The following PARG variants were observed in gnomAD, a reference collection of about 807,000 sequenced individuals.
PARG encodes the protein mitochondrial poly(ADP-ribose) glycohydrolase.
A neutral mutation model predicts 113.0 loss-of-function variants in PARG; 35 were observed. The ratio of observed to expected loss-of-function variants is 0.31; its 90% confidence interval spans 0.24 to 0.41. The LOEUF is 0.41. PARG is among the 10% of genes least tolerant of loss of function. The pLI, the probability that PARG is intolerant of heterozygous loss-of-function variation, is 1.00. For synonymous variants in PARG, 330 were observed against 409.9 expected, an observed-to-expected ratio of 0.81 and a Z score of 2.36; for missense variants, 797 against 1,169.4, an observed-to-expected ratio of 0.68 and a Z score of 4.64.
chr10:49,899,928 G>A (rs1280860895), intron 7 of PARG, among the ~76,000 whole-genome samples: 1 of 152,184 alleles, frequency 6.6e-6, no homozygotes, highest in Non-Finnish European at 1.5e-5. Context: ...CCTAACGATA[G>A]ATAAATGAAA....
intron 13 of PARG, among the ~76,000 whole-genome samples, chr10:49,844,035 C>CT (rs1261876431): frequency 6.6e-6 from 1 of 151,984 alleles, no homozygotes; most frequent in African/African-American, 2.4e-5. Context: ...ATCCCAGCTA[C>CT]TAGGGGGGCT....
intron 4 of PARG, among the ~76,000 whole-genome samples, chr10:49,925,524 T>G (rs1554850333): frequency 6.6e-6 from 1 of 152,218 alleles, no homozygotes; most frequent in Non-Finnish European, 1.5e-5. Flanking sequence ...AAAACCAACC[T>G]ATAGCCTGAC....
In PARG at chr10:49,922,392, AC is replaced by A; in HGVS notation, c.1605del (p.Trp536GlyfsTer18). ...AGAAGTGCAGTCTGAATGAGCTCCCACCGGCTCCCCGCAGTTCGCTCACCAT... is the reference window on the plus strand; with the variant it reads ...AGAAGTGCAGTCTGAATGAGCTCCCACGGCTCCCCGCAGTTCGCTCACCAT... The part of the protein sequence containing the change: ...DENGERTAGS[R>X]WELIQTALLN... On this transcript the variant is annotated frameshift_variant, in exon 6 of 18. Coordinates refer to ENST00000616448, the MANE Select transcript of PARG (RefSeq NM_003631.5). LOFTEE classifies it high-confidence loss of function. 6.2e-7 allele frequency: 1 copy of A among 1,607,872 alleles called. No homozygotes were observed. The highest frequency in any genetic ancestry group is 8.5e-7 in the Non-Finnish European group (1 of 1,177,950).
rs1287251266 is a variant in PARG at position 49,819,383 on chromosome 10, C to T, written c.2888G>A (p.Cys963Tyr). ...CCCTGAATGGTCAGCGGTCTCTGCA[C>T]AGGACTCGACAGCATGGTATATGAA... ...YPFIYHAVES[C>Y]AETADHSGQR... is the part of the protein sequence containing the mutation. Residue 963 changes from cysteine to tyrosine, a missense_variant, in exon 18 of 18, where the codon TGT (cysteine) becomes TAT (tyrosine). This residue lies in a region of PARG where 194 missense variants were observed against 247.1 expected (regional missense o/e 0.79). Coordinates refer to ENST00000616448, the MANE Select transcript of PARG (RefSeq NM_003631.5). The T allele has an allele frequency of 3.2e-6, 5 of 1,551,470 alleles. No homozygotes were observed. The highest frequency in any genetic ancestry group is 2.4e-5 in the East Asian group (1 of 40,926).
chr10:49,849,792 T>C (rs1430748903), intron 13 of PARG, among the ~76,000 whole-genome samples: 1 of 151,904 alleles, frequency 6.6e-6, no homozygotes, highest in Non-Finnish European at 1.5e-5. Context: ...GCAGGAGGAC[T>C]GCCTGAGCCC....
chr10:49,934,331 G>C (rs1202699134), intron 2 of PARG, among the ~76,000 whole-genome samples, 168 bp from the exon 3 acceptor site: 1 of 152,052 alleles, frequency 6.6e-6, no homozygotes, highest in Non-Finnish European at 1.5e-5. Context: ...TGCCCTCCCT[G>C]CAGCTGTGTG....
At chr10:49,862,187 G>C (rs1554836093) in intron 11 of PARG, among the ~76,000 whole-genome samples, 1 of 151,312 alleles carries the variant, frequency 6.6e-6, no homozygotes, top group Non-Finnish European at 1.5e-5. Flanking sequence ...GATAAACTTA[G>C]TACCTGTAAT....
intron 4 of PARG, among the ~76,000 whole-genome samples, chr10:49,924,520 C>T (rs1227389056): frequency 2.0e-5 from 3 of 148,154 alleles, no homozygotes; most frequent in East Asian, 3.9e-4. Context: ...AAGGGTGAAA[C>T]AAAAATAAAA....
At chr10:49,878,934 G>A (rs1554838901) in intron 9 of PARG, among the ~76,000 whole-genome samples, 2 of 152,038 alleles carry the variant, frequency 1.3e-5, no homozygotes, top group Admixed American at 6.6e-5. Flanking sequence ...AAACAGAGGT[G>A]GGGATATGGG....
At chr10:49,829,313 A>T (rs1163016642) in intron 16 of PARG, among the ~76,000 whole-genome samples, 1 of 152,064 alleles carries the variant, frequency 6.6e-6, no homozygotes, top group Non-Finnish European at 1.5e-5. Flanking sequence ...TACTAGGCTG[A>T]CCTTGAACTT....
intron 12 of PARG, among the ~76,000 whole-genome samples, chr10:49,858,976 G>T (rs530148666): frequency 6.6e-6 from 1 of 152,098 alleles, no homozygotes; most frequent in South Asian, 2.1e-4. Flanking sequence ...CAGTCAGAAT[G>T]AGCATAAGCA....
chr10:49,819,424 G>A lies in PARG; in HGVS notation c.2847C>T (p.Asp949=). 1.3e-6 allele frequency: 2 copies of A among 1,550,768 alleles called. No homozygotes were observed. The highest frequency in any genetic ancestry group is 1.7e-6 in the Non-Finnish European group (2 of 1,146,124). The stretch of plus-strand genomic sequence containing the variant: ...GGTATATGAATGGATAAAGCTTGAT[G>A]TCTGGTCCAGGGGTGGAACAGTTTC... ...ECRNCSTPGP[D]IKLYPFIYHA... Residue 949 remains aspartate (D), a synonymous_variant, in exon 18 of 18, where the codon GAC becomes GAT. Coordinates refer to ENST00000616448, the MANE Select transcript of PARG (RefSeq NM_003631.5).
intron 15 of PARG, among the ~76,000 whole-genome samples, chr10:49,841,278 A>T (rs1419438178): frequency 6.6e-6 from 1 of 152,106 alleles, no homozygotes; most frequent in African/African-American, 2.4e-5. Context: ...AAAGAAAAAA[A>T]AGAAAATCTC....
At chr10:49,822,810 T>A (rs541777168) in intron 16 of PARG, among the ~76,000 whole-genome samples, 1 of 152,304 alleles carries the variant, frequency 6.6e-6, no homozygotes, top group South Asian at 2.1e-4. Context: ...GTGTCACTGA[T>A]GCAGCATTCT....
At chr10:49,839,180 T>C (rs1464066098) in intron 15 of PARG, among the ~76,000 whole-genome samples, 3 of 151,710 alleles carry the variant, frequency 2.0e-5, no homozygotes, top group East Asian at 3.9e-4. Flanking sequence ...CCATTAAAAA[T>C]AGAAAAATTA....
chr10:49,941,643 G>C lies in PARG; in HGVS notation c.83C>G (p.Ala28Gly), dbSNP rs1184405047. 1 of 1,597,602 alleles carries C rather than the reference G, an allele frequency of 6.3e-7. No individual in the cohort carries two copies. Reference sequence around the variant, plus strand: ...CCTCTGCCTGCTGGGAAAGCTCCGGGCGTCCGAAGCAGCCGGCGAAGTTGT... The same window carrying C: ...CCTCTGCCTGCTGGGAAAGCTCCGGCCGTCCGAAGCAGCCGGCGAAGTTGT... ...AATTSPAASD[A>G]RSFPSRQRRV... is the part of the protein sequence containing the mutation. Residue 28 changes from alanine (A) to glycine (G), a missense_variant, in exon 1 of 18, where the codon GCC (alanine) becomes GGC (glycine). Ala to Gly is a moderately conservative substitution (Grantham distance 60, BLOSUM62 0). This residue lies in a region of PARG where 27 missense variants were observed against 54.3 expected (regional missense o/e 0.50). Transcript: ENST00000616448.
intron 15 of PARG, among the ~76,000 whole-genome samples, chr10:49,834,886 A>G (rs1219390911): frequency 1.3e-5 from 2 of 152,232 alleles, no homozygotes; most frequent in African/African-American, 4.8e-5. Flanking sequence ...AAATGATAAA[A>G]TTACATAGAA....
intron 15 of PARG, among the ~76,000 whole-genome samples, chr10:49,841,502 G>A (rs3849145): frequency 0.48 from 73,154 of 151,918 alleles, 17,939 homozygotes; most frequent in African/African-American, 0.58. Context: ...TAAGTATTAC[G>A]GAAAATAATA....
rs1041592937 is a variant in PARG, at chr10:49,843,600, C to T, written c.2386G>A (p.Ala796Thr). Residue 796 changes from alanine to threonine, a missense_variant, in exon 14 of 18, where the codon GCT (alanine) becomes ACT (threonine). Coordinates refer to ENST00000616448, the MANE Select transcript of PARG (RefSeq NM_003631.5). ...TEQYSEYTGY[A>T]ETYRWSRSHE... ...CTCCGGGACCAACGATATGTCTCAG[C>T]ATAGCCTGTGTATTCACTGTACTGC... The T allele has an allele frequency of 3.9e-6, 6 of 1,551,190 alleles. No homozygotes were observed. Among genetic ancestry groups the T allele is most frequent in the Non-Finnish European group, 5.2e-6 (6 of 1,146,534 alleles).
Sources: gnomAD v4.1 joint callset for allele counts (sites outside exome capture counted in the v4.1 genomes callset) on GRCh38, gnomAD v4.1.1 for gene constraint, gnomAD v4.1.1 regional missense constraint, MANE v1.5 for transcripts, NCBI Gene and HGNC (gene_info 2026-07-23, HGNC 2026-07-21) for gene names.